Variants in PGAP6 observed in about 807,000 individuals in gnomAD.
The protein encoded by PGAP6 is post-GPI attachment to proteins factor 6.
PGAP6 carries 62 observed loss-of-function variants against 68.4 expected under a neutral mutation model. The observed-to-expected ratio is 0.91, with a 90% CI of 0.74 to 1.12. The LOEUF (loss-of-function observed/expected upper bound fraction) is 1.12. Among genes scored for constraint, PGAP6 ranks in the 50% most tolerant of loss-of-function variants. PGAP6 has a pLI of 0.00. For synonymous variants in PGAP6, 575 were observed against 474.0 expected, an observed-to-expected ratio of 1.21 and a Z score of -2.77; for missense variants, 1,188 against 1,068.5, an observed-to-expected ratio of 1.11 and a Z score of -1.56.
rs776249104 is a variant in PGAP6, at chr16:375,390, C to T, written c.1270G>A (p.Ala424Thr). 6 of 1,612,956 alleles carry T rather than the reference C, an allele frequency of 3.7e-6. No individual in the cohort carries two copies. In the East Asian group the frequency reaches 8.9e-5, roughly 24 times the overall value. The change falls in exon 7 of 13, where the codon GCC (alanine) becomes ACC (threonine). Residue 424 changes from alanine (A) to threonine (T), a missense_variant. Physicochemically the swap from Ala to Thr is moderately conservative, Grantham distance 58. Coordinates refer to ENST00000431232, the MANE Select transcript of PGAP6 (RefSeq NM_021259.3). Reference sequence around the variant, plus strand: ...GTATTGAAGCCAAGGAAGGGCGAGGCAGCATTCACGCAGGCCACTACGACG... The same window carrying T: ...GTATTGAAGCCAAGGAAGGGCGAGGTAGCATTCACGCAGGCCACTACGACG... ...ETVVVACVNA[A>T]SPFLGFNTSL...
chr16:374,133 G>A lies in PGAP6; in HGVS notation c.1774C>T (p.Gln592Ter), dbSNP rs1397687010. 6.2e-7 allele frequency: 1 copy of A among 1,610,980 alleles called. No homozygotes were observed. The highest frequency in any genetic ancestry group is 8.5e-7 in the Non-Finnish European group (1 of 1,179,938). The change falls in exon 11 of 13, where the codon CAG (glutamine) becomes TAG (stop). Residue 592 changes from glutamine (Q) to a stop codon, truncating the protein, a stop_gained. Transcript: ENST00000431232. LOFTEE classifies it high-confidence loss of function. ...ATGCACAGCACCGCCTCCCCGGGCT[G>A]GTCGCAGGCGTGGTAGAACTGTGGG... ...FFSTFYHACD[Q>*]PGEAVLCILS...
At chr16:373,917 C>A in intron 11 of PGAP6, 88 bp downstream of exon 11, 2 of 1,444,836 alleles carry the variant, frequency 1.4e-6, no homozygotes, top group Non-Finnish European at 1.8e-6. Flanking sequence ...ACGCCAGGTC[C>A]GGCCTCTCCC....
In PGAP6 at chr16:374,027, C is replaced by T. The variant is rs950042611; in HGVS notation, c.1880G>A (p.Arg627Gln). The T allele has an allele frequency of 6.2e-6, 10 of 1,611,150 alleles. No homozygotes were observed. Among genetic ancestry groups the T allele is most frequent in the South Asian group, 1.1e-5 (1 of 91,068 alleles). ...AIWVTILCMA[R>Q]LKTVLKYVLF... is the part of the protein sequence containing the mutation. ...CACGTATTTCAGGACTGTCTTGAGC[C>T]GTGCCATGCACAGGATGGTGACCCA... is the stretch of plus-strand genomic sequence containing the variant. The change falls in exon 11 of 13, where the codon CGG (arginine) becomes CAG (glutamine). Residue 627 changes from arginine (R) to glutamine (Q), a missense_variant. Coordinates refer to ENST00000431232, the MANE Select transcript of PGAP6 (RefSeq NM_021259.3).
At chr16:383,232 A>G (rs1331472848), upstream of PGAP6, 2 of 152,230 alleles carry the variant, frequency 1.3e-5, no homozygotes, top group African/African-American at 4.8e-5. Context: ...AAACCCCATT[A>G]AAGTGACTTC....
chr16:371,953 G>A lies in PGAP6; in HGVS notation c.*34C>T. On this transcript the variant is annotated 3_prime_UTR_variant, in exon 13 of 13. Transcript: ENST00000431232. Reference sequence around the variant, plus strand: ...CCTCGATACAGCTCCTGGCTGAAGAGGTCATCAGAGCAGCAGCTGTCCCCA... The same window carrying A: ...CCTCGATACAGCTCCTGGCTGAAGAAGTCATCAGAGCAGCAGCTGTCCCCA... 6.3e-7 allele frequency: 1 copy of A among 1,592,674 alleles called. No homozygotes were observed. The highest frequency in any genetic ancestry group is 2.2e-5 in the East Asian group (1 of 44,702).
In PGAP6 at chr16:377,065, T is replaced by C. The variant is rs753378760; in HGVS notation, c.607A>G (p.Thr203Ala). ...AGGTAGCTGGGATGGGAGAGGAGGGTCTGAGGAAGGGGCACGTCCGGCTCC... is the reference window on the plus strand; with the variant it reads ...AGGTAGCTGGGATGGGAGAGGAGGGCCTGAGGAAGGGGCACGTCCGGCTCC... ...IMEPDVPLPQ[T>A]LLSHPSYLKV... The change falls in exon 4 of 13, where the codon ACC (threonine) becomes GCC (alanine). Residue 203 changes from threonine (T) to alanine (A), a missense_variant. Physicochemically the swap from Thr to Ala is moderately conservative, Grantham distance 58 (BLOSUM62 0). Transcript: ENST00000431232. The C allele has an allele frequency of 1.2e-6, 2 of 1,612,308 alleles. No homozygotes were observed. Among genetic ancestry groups the C allele is most frequent in the Admixed American group, 3.3e-5 (2 of 59,962 alleles).
chr16:374,370 T>C lies in PGAP6; in HGVS notation c.1606A>G (p.Ser536Gly), dbSNP rs1392968656. ...TGCTGGGCCACCGTCTGGGCTGTGCTGTTGTCCGTGCAGCTCCACCCACGC... is the reference window on the plus strand; with the variant it reads ...TGCTGGGCCACCGTCTGGGCTGTGCCGTTGTCCGTGCAGCTCCACCCACGC... ...GWRGWSCTDN[S>G]TAQTVAQQRA... Residue 536 changes from serine to glycine, a missense_variant, in exon 10 of 13, where the codon AGC (serine) becomes GGC (glycine). Ser to Gly is a moderately conservative substitution (Grantham distance 56). Transcript: ENST00000431232. 1 of 1,592,596 alleles carries C rather than the reference T, an allele frequency of 6.3e-7. No individual in the cohort carries two copies. Among genetic ancestry groups the C allele is most frequent in the Non-Finnish European group, 8.5e-7 (1 of 1,174,262 alleles).
Position 377,504 on chromosome 16 carries a change from G to T in PGAP6, c.381C>A (p.Phe127Leu). Residue 127 changes from phenylalanine (F) to leucine (L), a missense_variant, in exon 3 of 13, where the codon TTC becomes TTA. Phe to Leu is a conservative substitution (Grantham distance 22). Transcript: ENST00000431232. ...FPDDTAVQPS[F>L]QVGVPLSTTP... The stretch of plus-strand genomic sequence containing the variant: ...TGGTGCTCAGCGGCACCCCGACCTG[G>T]AAGGAGGGCTGTACCGCGGTGTCGT... 2 of 1,603,804 alleles carry T rather than the reference G, an allele frequency of 1.2e-6. No homozygotes were observed. The highest frequency in any genetic ancestry group is 8.5e-7 in the Non-Finnish European group (1 of 1,175,888).
At chr16:380,590 C>A (rs1015395860) in intron 1 of PGAP6, among the ~76,000 whole-genome samples, 2 of 152,212 alleles carry the variant, frequency 1.3e-5, no homozygotes, top group African/African-American at 2.4e-5. Context: ...TGGTCTCGAA[C>A]TCCTGACCTC....
chr16:376,661 A>AG lies in PGAP6; in HGVS notation c.786dup (p.Trp263LeufsTer21). On this transcript the variant is annotated frameshift_variant, in exon 5 of 13. Coordinates refer to ENST00000431232, the MANE Select transcript of PGAP6 (RefSeq NM_021259.3). LOFTEE classifies it high-confidence loss of function. Reference sequence around the variant, plus strand: ...GAGGGCAGCAGCAGGCGGCAGGGCCAGGGGGCACCGGTGCAGGTGAGCACC... The same window carrying AG: ...GAGGGCAGCAGCAGGCGGCAGGGCCAGGGGGGCACCGGTGCAGGTGAGCACC... 1 of 1,609,964 alleles carries AG rather than the reference A, an allele frequency of 6.2e-7. No homozygotes were observed. The highest frequency in any genetic ancestry group is 8.5e-7 in the Non-Finnish European group (1 of 1,178,812).
At chr16:383,235 G>A (rs1397687292), upstream of PGAP6, 1 of 152,026 alleles carries the variant, frequency 6.6e-6, no homozygotes, top group African/African-American at 2.4e-5. Context: ...CCCCATTAAA[G>A]TGACTTCTTT....
rs200500312 is a variant in PGAP6, at chr16:377,194, G to A, written c.508-30C>T. On this transcript the variant is annotated intron_variant, in intron 3 of 12. Transcript: ENST00000431232. ...GGAAAGAACAGGTGTGGGCGGGGGC[G>A]GTGTCAGAGAATGCAGGTGTGAGGG... The A allele has an allele frequency of 5.0e-5, 81 of 1,612,124 alleles. No homozygotes were observed. The East Asian group carries it at 6.9e-4, about 14-fold the overall frequency.
At chr16:385,648 G>A (rs1464712202), upstream of PGAP6, among the ~76,000 whole-genome samples, 1 of 82,108 alleles carries the variant, frequency 1.2e-5, no homozygotes, top group Non-Finnish European at 2.2e-5. Context: ...TTTTTGAGAT[G>A]GAATCTCGCT....
intron 6 of PGAP6, among the ~76,000 whole-genome samples, chr16:375,870 T>G (rs1294587415): frequency 6.6e-6 from 1 of 152,272 alleles, no homozygotes; most frequent in East Asian, 1.9e-4. Context: ...AGGCCCACGG[T>G]GCACCGGGAC....
Position 377,707 on chromosome 16 carries a change from TC to T in PGAP6, c.262del (p.Glu88ArgfsTer46). On this transcript the variant is annotated frameshift_variant, in exon 2 of 13. Coordinates refer to ENST00000431232, the MANE Select transcript of PGAP6 (RefSeq NM_021259.3). LOFTEE classifies it high-confidence loss of function. ...LLRWLLQVSR[E>X]SGAACTDAEI... Reference sequence around the variant, plus strand: ...CGCGTCGGTGCAGGCAGCGCCGCTCTCCCGGGAGACCTGCAGGAGCCAGCGT... The same window carrying T: ...CGCGTCGGTGCAGGCAGCGCCGCTCTCCGGGAGACCTGCAGGAGCCAGCGT... 1 of 1,594,340 alleles carries T rather than the reference TC, an allele frequency of 6.3e-7. No individual in the cohort carries two copies. Among genetic ancestry groups the T allele is most frequent in the Non-Finnish European group, 8.5e-7 (1 of 1,171,452 alleles).
At chr16:384,573 G>A (rs1267832002), upstream of PGAP6, among the ~76,000 whole-genome samples, 1 of 152,144 alleles carries the variant, frequency 6.6e-6, no homozygotes, top group Non-Finnish European at 1.5e-5. Flanking sequence ...GTAATGGAGA[G>A]GGCCGGGCGC....
chr16:379,687 T>A (rs2054421906), intron 1 of PGAP6, among the ~76,000 whole-genome samples: 1 of 152,152 alleles, frequency 6.6e-6, no homozygotes, highest in Non-Finnish European at 1.5e-5. Flanking sequence ...ACCCAGCTGG[T>A]GGCTGTGAAG....
chr16:386,711 CA>C (rs374913403), upstream of PGAP6: 8,084 of 194,722 alleles, frequency 0.042, no homozygotes, highest in East Asian at 0.051. Context: ...CCAGTCTCTA[CA>C]AAAAAAAAAA....
At chr16:386,538 A>C, upstream of PGAP6, 1 of 310,744 alleles carries the variant, frequency 3.2e-6, no homozygotes, top group South Asian at 2.7e-5. Context: ...CCAGTGCCCT[A>C]ACCTGTCAGC....
Sources: gnomAD v4.1 joint callset for allele counts (sites outside exome capture counted in the v4.1 genomes callset) on GRCh38, gnomAD v4.1.1 for gene constraint, MANE v1.5 for transcripts, NCBI Gene and HGNC (gene_info 2026-07-23, HGNC 2026-07-21) for gene names.